Variants in COL4A5 observed in about 807,000 individuals in gnomAD.
The protein encoded by COL4A5 is collagen alpha-5(IV) chain.
Under a neutral mutation model 130.2 loss-of-function variants are expected in COL4A5, and 26 were observed. The ratio of observed to expected loss-of-function variants is 0.20; its 90% CI spans 0.15 to 0.28. The LOEUF (loss-of-function observed/expected upper bound fraction) is 0.28, where lower values mean the gene tolerates loss of function less well. Among genes scored for constraint, COL4A5 ranks in the 10% least tolerant of loss-of-function variants. COL4A5 has a pLI of 1.00. For synonymous variants in COL4A5, 496 were observed against 439.6 expected, an observed-to-expected ratio of 1.13 and a Z score of -1.60; for missense variants, 1,131 against 1,344.3, an observed-to-expected ratio of 0.84 and a Z score of 2.48.
At chrX:108,443,674 A>G (rs899820012) in intron 1 of COL4A5, among the ~76,000 whole-genome samples, 2 of 111,844 alleles carry the variant, frequency 1.8e-5, no homozygotes, top group African/African-American at 3.2e-5. Context: ...TTTGATGTCT[A>G]TACATGTAAG....
chrX:108,670,336 G>C (rs1035876788), intron 42 of COL4A5, 100 bp downstream of exon 42: 13 of 1,162,632 alleles, frequency 1.1e-5, no homozygotes, highest in Non-Finnish European at 1.5e-5. Flanking sequence ...AAGAGCATAT[G>C]TGCCAATTCA....
chrX:108,658,199 T>C (rs1030569198), intron 37 of COL4A5, among the ~76,000 whole-genome samples: 13 of 111,600 alleles, frequency 1.2e-4, no homozygotes, highest in African/African-American at 3.9e-4. Flanking sequence ...TTTTTCTGAA[T>C]CTACAGAGAT....
At chrX:108,663,895 T>G (rs1307152772) in intron 37 of COL4A5, among the ~76,000 whole-genome samples, 2 of 111,745 alleles carry the variant, frequency 1.8e-5, no homozygotes, top group African/African-American at 6.5e-5. Flanking sequence ...CAAAACAATA[T>G]TGAAAACGAG....
At chrX:108,667,227 A>C (rs1479966536) in intron 40 of COL4A5, 44 bp downstream of exon 40, 7 of 1,094,703 alleles carry the variant, frequency 6.4e-6, no homozygotes, top group Non-Finnish European at 8.9e-6. Flanking sequence ...TAATAAAATG[A>C]GATTATTTCC....
At chrX:108,474,911 G>A (rs921446087) in intron 1 of COL4A5, among the ~76,000 whole-genome samples, 3 of 111,329 alleles carry the variant, frequency 2.7e-5, no homozygotes, top group African/African-American at 9.8e-5. Context: ...GACTGTAGAT[G>A]TATGGGTTTA....
intron 1 of COL4A5, among the ~76,000 whole-genome samples, chrX:108,442,490 T>A (rs185887185): frequency 2.0e-4 from 22 of 112,153 alleles, no homozygotes; most frequent in African/African-American, 6.8e-4. Context: ...AAGGTAATTA[T>A]ACCTGTACTG....
intron 29 of COL4A5, among the ~76,000 whole-genome samples, chrX:108,612,498 C>T (rs1259557991): frequency 9.0e-6 from 1 of 111,366 alleles, no homozygotes; most frequent in Non-Finnish European, 1.9e-5. Flanking sequence ...TTTTTATATA[C>T]TATCAATGAA....
intron 36 of COL4A5, among the ~76,000 whole-genome samples, chrX:108,630,723 C>A (rs1182927941): frequency 9.0e-6 from 1 of 111,360 alleles, no homozygotes; most frequent in Non-Finnish European, 1.9e-5. Context: ...GTCATGAAGC[C>A]CTTGCCCATG....
chrX:108,468,570 A>G (rs1307664282), intron 1 of COL4A5, among the ~76,000 whole-genome samples: 1 of 108,523 alleles, frequency 9.2e-6, no homozygotes, highest in South Asian at 4.0e-4. Context: ...TTTATTAGGA[A>G]AGGGTGTTGG....
chrX:108,570,194 A>C (rs1052503308), intron 6 of COL4A5, among the ~76,000 whole-genome samples: 1 of 111,857 alleles, frequency 8.9e-6, no homozygotes. Context: ...TGGATTCATG[A>C]GGACTAATCG....
rs1481743595 is a variant in COL4A5 at position 108,486,796 on chromosome X, A to G, written c.81+46590A>G. ...GTATTCCATGCTATTTATATACCAT[A>G]TTTTCTTTATCCACCCATTGATTCA... On this transcript the variant is annotated intron_variant, in intron 1 of 52. Coordinates refer to ENST00000328300, the MANE Select transcript of COL4A5 (RefSeq NM_033380.3). Among the ~76,000 whole-genome samples, 3 of 111,201 alleles carry G rather than the reference A, an allele frequency of 2.7e-5. No individual in the cohort carries two copies. The East Asian group carries it at 8.5e-4, about 32-fold the overall frequency.
intron 36 of COL4A5, among the ~76,000 whole-genome samples, chrX:108,646,748 A>G (rs2067599151): frequency 9.0e-6 from 1 of 111,719 alleles, no homozygotes. Flanking sequence ...ATCTTGAATT[A>G]ATTTTTGTAT....
chrX:108,484,588 C>A (rs1405604039), intron 1 of COL4A5, among the ~76,000 whole-genome samples: 2 of 112,307 alleles, frequency 1.8e-5, no homozygotes, highest in East Asian at 2.8e-4. Context: ...TGCATAAGAT[C>A]CAGAAGAATT....
At chrX:108,688,442 G>T (rs373124393) in intron 49 of COL4A5, among the ~76,000 whole-genome samples, 23 of 103,286 alleles carry the variant, frequency 2.2e-4, no homozygotes, top group African/African-American at 8.0e-4. Flanking sequence ...TTGTTGTGTT[G>T]TTTTTTTTTT....
At chrX:108,634,216 A>C (rs775909641) in intron 36 of COL4A5, among the ~76,000 whole-genome samples, 32 of 109,371 alleles carry the variant, frequency 2.9e-4, no homozygotes, top group South Asian at 1.9e-3. Context: ...AGTGCAACAA[A>C]AAAAAAAAAA....
At chrX:108,471,451 C>T (rs1297347571) in intron 1 of COL4A5, among the ~76,000 whole-genome samples, 3 of 111,489 alleles carry the variant, frequency 2.7e-5, no homozygotes, top group Non-Finnish European at 5.7e-5. Flanking sequence ...TGAACCTTAC[C>T]AGTATATAGA....
intron 19 of COL4A5, among the ~76,000 whole-genome samples, chrX:108,589,586 T>C (rs1213091598): frequency 8.9e-6 from 1 of 111,770 alleles, no homozygotes; most frequent in East Asian, 2.8e-4. Flanking sequence ...TAATGCAGTA[T>C]ATATTGGGCA....
intron 1 of COL4A5, among the ~76,000 whole-genome samples, chrX:108,479,742 C>A (rs140681428): frequency 2.9e-4 from 32 of 111,905 alleles, no homozygotes; most frequent in African/African-American, 9.4e-4. Flanking sequence ...TGGATTGCTG[C>A]TGTGCATGAC....
chrX:108,547,420 A>T (rs1323010158), intron 2 of COL4A5, among the ~76,000 whole-genome samples: 1 of 111,443 alleles, frequency 9.0e-6, no homozygotes, highest in Non-Finnish European at 1.9e-5. Flanking sequence ...GCTGCACAAG[A>T]GTGAATATTG....
Sources: gnomAD v4.1 joint callset for allele counts (sites outside exome capture counted in the v4.1 genomes callset) on GRCh38, gnomAD v4.1.1 for gene constraint, MANE v1.5 for transcripts, NCBI Gene and HGNC (gene_info 2026-07-23, HGNC 2026-07-21) for gene names.